SAP130: variants seen among roughly 807,000 people sequenced by gnomAD.
SAP130 encodes the protein Sin3A associated protein 130, also known as histone deacetylase complex subunit SAP130.
SAP130 carries 16 observed loss-of-function variants against 103.2 expected under a neutral mutation model. The ratio of observed to expected loss-of-function variants is 0.16; its 90% CI spans 0.10 to 0.24. SAP130 has a LOEUF of 0.24. Among genes scored for constraint, SAP130 ranks in the 10% least tolerant of loss-of-function variants. SAP130 has a pLI of 1.00. For synonymous variants in SAP130, 477 were observed against 497.0 expected (o/e 0.96, Z 0.53); for missense variants, 990 against 1,359.7 (o/e 0.73, Z 4.28).
intron 2 of SAP130, among the ~76,000 whole-genome samples, chr2:128,020,107 T>C (rs1685052110): frequency 6.6e-6 from 1 of 152,222 alleles, no homozygotes; most frequent in Non-Finnish European, 1.5e-5. Flanking sequence ...CACTTAAAGT[T>C]TTGGTGACAG....
intron 7 of SAP130, among the ~76,000 whole-genome samples, chr2:128,006,550 G>A (rs1216380755): frequency 6.6e-6 from 1 of 152,160 alleles, no homozygotes; most frequent in Non-Finnish European, 1.5e-5. Context: ...TGAGGCAGAT[G>A]GATCGCTTGA....
Position 127,942,279 on chromosome 2 carries a change from T to A in SAP130, c.3016-115A>T. ...TGAGGCTTCCACAACAGAGAAAATG[T>A]CTTTTTGTTTCTCAGGAGTGCAGGC... On this transcript the variant is annotated intron_variant, in intron 20 of 20. Transcript: ENST00000643581. This position sits in a 1 kb window ranked among gnomAD's most constrained non-coding sequence, Gnocchi z 4.8. The A allele has an allele frequency of 8.6e-7, 1 of 1,162,114 alleles. No individual in the cohort carries two copies. The highest frequency in any genetic ancestry group is 1.2e-6 in the Non-Finnish European group (1 of 808,226). The allele number at this position is 1,162,114 out of a possible 1,614,324, so 72.0% of individuals were successfully genotyped here.
At chr2:127,981,703 C>T (rs1434308501) in intron 14 of SAP130, among the ~76,000 whole-genome samples, 1 of 118,900 alleles carries the variant, frequency 8.4e-6, no homozygotes, top group Admixed American at 8.6e-5. Context: ...TCCCCCACCC[C>T]GACCCAGTCC....
At chr2:128,009,225 C>T (rs575151911) in intron 7 of SAP130, among the ~76,000 whole-genome samples, 44 of 152,102 alleles carry the variant, frequency 2.9e-4, no homozygotes, top group Non-Finnish European at 5.6e-4. Flanking sequence ...CCTATAATCC[C>T]AGCACTTAGG....
Position 127,974,786 on chromosome 2 carries a change from C to G in SAP130, c.2063+3199G>C, listed in dbSNP as rs1055075897. ...CGAGATTGAGCTACTGCACTCTAGC[C>G]TGGGCAGCAAGAGTGAAACTCTGTC... On this transcript the variant is annotated intron_variant, in intron 15 of 20. Coordinates refer to ENST00000643581, the MANE Select transcript of SAP130 (RefSeq NM_001330301.2). Among the ~76,000 whole-genome samples, 13 of 152,260 alleles carry G rather than the reference C, an allele frequency of 8.5e-5. No individual in the cohort carries two copies. The East Asian group carries it at 2.5e-3, about 29-fold the overall frequency.
chr2:127,996,972 CA>C lies in SAP130; in HGVS notation c.1214-482del, dbSNP rs1559081137. ...TTAAAAAACGGAAAAAACAAACAAA[CA>C]AAAAACCTTGGATTCTACTCCAGGT... is the stretch of plus-strand genomic sequence containing the variant. On this transcript the variant is annotated intron_variant, in intron 10 of 20. Coordinates refer to ENST00000643581, the MANE Select transcript of SAP130 (RefSeq NM_001330301.2). The surrounding 1 kb of genome is among the most constrained non-coding windows in gnomAD (Gnocchi z 4.3). Among the ~76,000 whole-genome samples the C allele has an allele frequency of 6.6e-6, 1 of 151,992 alleles. No individual in the cohort carries two copies. The highest frequency in any genetic ancestry group is 2.4e-5 in the African/African-American group (1 of 41,392).
At chr2:127,983,411 G>C (rs1376138237) in intron 14 of SAP130, among the ~76,000 whole-genome samples, 1 of 152,194 alleles carries the variant, frequency 6.6e-6, no homozygotes. Context: ...TACAGATCAA[G>C]TGCTTTTGAG....
At chr2:128,016,647 A>G in intron 3 of SAP130, 100 bp from the exon 4 acceptor site, 1 of 1,314,656 alleles carries the variant, frequency 7.6e-7, no homozygotes, top group African/African-American at 1.5e-5. Flanking sequence ...GGAAAGTGCC[A>G]GGAAAGATGC....
chr2:128,010,124 A>G, intron 7 of SAP130, 145 bp downstream of exon 7: 6 of 749,014 alleles, frequency 8.0e-6, no homozygotes, highest in Non-Finnish European at 1.1e-5. Context: ...TCACAGCTTT[A>G]GCCCCAGGAT....
In SAP130 at chr2:127,975,989, C is replaced by A. The variant is rs572283295; in HGVS notation, c.2063+1996G>T. Among the ~76,000 whole-genome samples, 9 of 152,254 alleles carry A rather than the reference C, an allele frequency of 5.9e-5. No homozygotes were observed. The South Asian group carries it at 8.3e-4, about 14-fold the overall frequency. ...CCTCCTGAGTAGCTGGGACTACAGGCACCCGCCACCATGCCCGGCTAATTT... is the reference window on the plus strand; with the variant it reads ...CCTCCTGAGTAGCTGGGACTACAGGAACCCGCCACCATGCCCGGCTAATTT... On this transcript the variant is annotated intron_variant, in intron 15 of 20. Transcript: ENST00000643581.
At chr2:127,964,563 G>C (rs1680505782) in intron 15 of SAP130, among the ~76,000 whole-genome samples, 1 of 149,970 alleles carries the variant, frequency 6.7e-6, no homozygotes, top group Non-Finnish European at 1.5e-5. Context: ...AGCAGAATCA[G>C]TGGGCTGCAA....
intron 15 of SAP130, among the ~76,000 whole-genome samples, chr2:127,967,330 A>G (rs546852441): frequency 6.6e-6 from 1 of 152,380 alleles, no homozygotes; most frequent in South Asian, 2.1e-4. Flanking sequence ...ATAGTGCCCC[A>G]TGTGACAGAA....
rs1019249066 is a variant in SAP130 at position 127,989,425 on chromosome 2, A to T, written c.1780+139T>A. 12 of 766,288 alleles carry T rather than the reference A, an allele frequency of 1.6e-5. No individual in the cohort carries two copies. In the African/African-American group the frequency reaches 1.6e-4, roughly 10 times the overall value. The allele number at this position is 766,288 out of a possible 1,614,324, so 47.5% of individuals were successfully genotyped here. A position where few individuals can be genotyped will look rare whatever the true frequency, so the allele number is the denominator to read the frequency against. On this transcript the variant is annotated intron_variant, in intron 13 of 20. Transcript: ENST00000643581. This position sits in a 1 kb window ranked among gnomAD's most constrained non-coding sequence, Gnocchi z 4.6. The stretch of plus-strand genomic sequence containing the variant: ...CAGTGACCCTGAAACTCTAAGTTCT[A>T]AGCAACTCATATTATTAATACAAAG...
At chr2:127,976,094 C>T (rs972363981) in intron 15 of SAP130, among the ~76,000 whole-genome samples, 2 of 152,194 alleles carry the variant, frequency 1.3e-5, no homozygotes, top group African/African-American at 2.4e-5. Context: ...GATCTGCCCG[C>T]CTCGGCCTCC....
intron 3 of SAP130, 49 bp downstream of exon 3, chr2:128,017,631 G>T: frequency 6.9e-7 from 1 of 1,450,928 alleles, no homozygotes; most frequent in Non-Finnish European, 9.7e-7. Flanking sequence ...ACAAACATTA[G>T]CCAGTCTCGA....
intron 14 of SAP130, among the ~76,000 whole-genome samples, chr2:127,980,505 C>T (rs1681787761): frequency 6.6e-6 from 1 of 152,086 alleles, no homozygotes; most frequent in Non-Finnish European, 1.5e-5. Flanking sequence ...CATAGCAAAT[C>T]CCTCAGTATT....
chr2:128,016,960 A>G (rs1684829754), intron 3 of SAP130, among the ~76,000 whole-genome samples: 1 of 152,226 alleles, frequency 6.6e-6, no homozygotes, highest in Non-Finnish European at 1.5e-5. Flanking sequence ...TTAACCAGTT[A>G]TTAAAACAAA....
chr2:127,987,430 C>T (rs1039914654), intron 13 of SAP130, among the ~76,000 whole-genome samples: 7 of 152,204 alleles, frequency 4.6e-5, no homozygotes, highest in African/African-American at 1.7e-4. Context: ...AAGTGATCCA[C>T]CTGCCTTGGC....
Position 127,982,184 on chromosome 2 carries a change from T to G in SAP130, c.1959-4095A>C, listed in dbSNP as rs555014652. ...ACAAAGAAGAGCAAAAAAAAAAAAT[T>G]TAGGGTGGTAGATAGTAGAGCAAAG... On this transcript the variant is annotated intron_variant, in intron 14 of 20. Transcript: ENST00000643581. 4.0e-5 allele frequency among the ~76,000 whole-genome samples: 6 copies of G among 150,254 alleles called. No individual in the cohort carries two copies. In the South Asian group the frequency reaches 1.3e-3, roughly 31 times the overall value.
Sources: gnomAD v4.1 joint callset for allele counts (sites outside exome capture counted in the v4.1 genomes callset) on GRCh38, gnomAD v4.1.1 for gene constraint, Gnocchi (gnomAD v3.1) non-coding constraint, MANE v1.5 for transcripts, NCBI Gene and HGNC (gene_info 2026-07-23, HGNC 2026-07-21) for gene names.